Variants in GPR137B observed in about 807,000 individuals in gnomAD.
GPR137B encodes G protein-coupled receptor 137B.
A neutral mutation model predicts 42.5 loss-of-function variants in GPR137B; 42 were observed. The observed-to-expected ratio is 0.99, with a 90% CI of 0.77 to 1.28. The LOEUF (loss-of-function observed/expected upper bound fraction) is 1.28, where lower values mean the gene tolerates loss of function less well. GPR137B is among the 50% of genes most tolerant of loss of function. The pLI, the probability that GPR137B is intolerant of heterozygous loss-of-function variation, is 0.00. For synonymous variants in GPR137B, 218 were observed against 209.7 expected (o/e 1.04, Z -0.34); for missense variants, 487 against 493.9 (o/e 0.99, Z 0.13).
intron 1 of GPR137B, among the ~76,000 whole-genome samples, chr1:236,166,758 G>A (rs1211990083): frequency 6.6e-6 from 1 of 152,088 alleles, no homozygotes; most frequent in Non-Finnish European, 1.5e-5. Context: ...GCCGAGGTGG[G>A]TGGGGCACTT....
Position 236,178,654 on chromosome 1 carries a change from C to G in GPR137B, c.687+18C>G. 1 of 1,420,468 alleles carries G rather than the reference C, an allele frequency of 7.0e-7. No individual in the cohort carries two copies. Among genetic ancestry groups the G allele is most frequent in the Non-Finnish European group, 9.9e-7 (1 of 1,005,144 alleles). 88.0% of individuals were successfully genotyped at this position (1,420,468 alleles called of 1,614,324 possible). A position where few individuals can be genotyped will look rare whatever the true frequency, so the allele number is the denominator to read the frequency against. On this transcript the variant is annotated intron_variant, in intron 3 of 6. Transcript: ENST00000366592. ...AGTCCAAGGTAGGTGGAAATGTGGT[C>G]AAGATCCCTCCCATGAAACGTGTTC...
chr1:236,207,919 A>G (rs1262458985), intron 6 of GPR137B, 131 bp from the exon 7 acceptor site: 69 of 644,986 alleles, frequency 1.1e-4, no homozygotes, highest in East Asian at 5.5e-5. Flanking sequence ...ATGGACTTTA[A>G]GAGCCATTTA....
rs78571416 is a variant in GPR137B at position 236,146,245 on chromosome 1, C to G, written c.414+3209C>G. ...AGCGCAAAATCAGGTTGCAGAGAAT[C>G]AAAGTATACATACAGCACAGTTAAG... is the stretch of plus-strand genomic sequence containing the variant. On this transcript the variant is annotated intron_variant, in intron 1 of 6. Coordinates refer to ENST00000366592, the MANE Select transcript of GPR137B (RefSeq NM_003272.4). 1.1e-3 allele frequency among the ~76,000 whole-genome samples: 162 copies of G among 152,272 alleles called. No individual in the cohort carries two copies. In the East Asian group the frequency reaches 0.013, roughly 12 times the overall value.
At chr1:236,195,134 T>G (rs938654512) in intron 5 of GPR137B, among the ~76,000 whole-genome samples, 5 of 152,204 alleles carry the variant, frequency 3.3e-5, no homozygotes, top group African/African-American at 1.2e-4. Flanking sequence ...CTCTTTTAGT[T>G]ATTTTAAAAT....
intron 1 of GPR137B, among the ~76,000 whole-genome samples, chr1:236,166,496 A>ATG: frequency 7.0e-6 from 1 of 141,990 alleles, no homozygotes; most frequent in African/African-American, 2.7e-5. Context: ...ATATATACAT[A>ATG]TATATATTTA....
At chr1:236,176,808 G>C (rs1662702186) in intron 2 of GPR137B, among the ~76,000 whole-genome samples, 1 of 152,110 alleles carries the variant, frequency 6.6e-6, no homozygotes, top group Non-Finnish European at 1.5e-5. Flanking sequence ...AGTGTGGATG[G>C]AGAGAGTGGA....
At chr1:236,199,754 G>A (rs1049226469) in intron 5 of GPR137B, among the ~76,000 whole-genome samples, 3 of 151,796 alleles carry the variant, frequency 2.0e-5, no homozygotes, top group Admixed American at 6.6e-5. Context: ...TGTCTTCTTG[G>A]TTAATCTCAC....
At chr1:236,186,607 G>T (rs1663047196) in intron 5 of GPR137B, among the ~76,000 whole-genome samples, 1 of 150,846 alleles carries the variant, frequency 6.6e-6, no homozygotes, top group African/African-American at 2.4e-5. Flanking sequence ...CTGTTCTTGT[G>T]TCAGCTTGCT....
At chr1:236,207,514 T>C (rs1261610590) in intron 6 of GPR137B, among the ~76,000 whole-genome samples, 2 of 152,182 alleles carry the variant, frequency 1.3e-5, no homozygotes, top group Non-Finnish European at 2.9e-5. Context: ...ACCGATATGG[T>C]GAAGACAAGA....
rs994794905 is a variant in GPR137B, at chr1:236,164,721, A to G, written c.415-3985A>G. ...AATTATATGTGCGTTTGTTGATATT[A>G]TCTATATAATAAGTTATATAGATAA... On this transcript the variant is annotated intron_variant, in intron 1 of 6. Transcript: ENST00000366592. Among the ~76,000 whole-genome samples, 10 of 152,318 alleles carry G rather than the reference A, an allele frequency of 6.6e-5. No individual in the cohort carries two copies. The South Asian group carries it at 2.1e-3, about 32-fold the overall frequency.
chr1:236,177,778 A>T (rs1176411394), intron 2 of GPR137B, among the ~76,000 whole-genome samples: 2 of 149,604 alleles, frequency 1.3e-5, no homozygotes, highest in Non-Finnish European at 3.0e-5. Flanking sequence ...CTGGTCTTGA[A>T]CTCCTGACCT....
rs1412846491 is a variant in GPR137B at position 236,155,514 on chromosome 1, C to G, written c.414+12478C>G. Among the ~76,000 whole-genome samples the G allele has an allele frequency of 6.6e-6, 1 of 152,156 alleles. No homozygotes were observed. Among genetic ancestry groups the G allele is most frequent in the African/African-American group, 2.4e-5 (1 of 41,436 alleles). On this transcript the variant is annotated intron_variant, in intron 1 of 6. Transcript: ENST00000366592. This position sits in a 1 kb window ranked among gnomAD's most constrained non-coding sequence, Gnocchi z 4.6. ...GGCTTTAGGTTGACTTGGAGAGCCG[C>G]AAAGGGTGTGGGTGGGAGGTGTGCT...
chr1:236,160,510 G>A (rs1662156802), intron 1 of GPR137B, among the ~76,000 whole-genome samples: 1 of 151,980 alleles, frequency 6.6e-6, no homozygotes, highest in South Asian at 2.1e-4. Context: ...GCCTCTCCCT[G>A]TCTGCCCTTC....
At chr1:236,172,269 A>G (rs1662558421) in intron 2 of GPR137B, among the ~76,000 whole-genome samples, 1 of 152,200 alleles carries the variant, frequency 6.6e-6, no homozygotes, top group Non-Finnish European at 1.5e-5. Flanking sequence ...TTCAGGCCAC[A>G]ATCTCTCCCT....
chr1:236,151,418 ATTTTTTTTTTTT>A (rs60574023), intron 1 of GPR137B, among the ~76,000 whole-genome samples: 2 of 72,370 alleles, frequency 2.8e-5, no homozygotes, highest in Non-Finnish European at 4.9e-5. Flanking sequence ...TTGCATATTC[ATTTTTTTTTTTT>A]TTTTTTTTTT....
At chr1:236,167,367 C>G (rs936344341) in intron 1 of GPR137B, among the ~76,000 whole-genome samples, 1 of 152,202 alleles carries the variant, frequency 6.6e-6, no homozygotes, top group African/African-American at 2.4e-5. Context: ...AGGACTTACT[C>G]AACGTGGCTG....
intron 5 of GPR137B, among the ~76,000 whole-genome samples, chr1:236,203,228 C>A (rs1404093339): frequency 6.6e-6 from 1 of 152,102 alleles, no homozygotes. Context: ...TGGGCACCCC[C>A]CATTTCGCCC....
intron 1 of GPR137B, among the ~76,000 whole-genome samples, chr1:236,166,432 G>A (rs192319045): frequency 4.8e-4 from 67 of 138,530 alleles, no homozygotes; most frequent in South Asian, 3.4e-3. Context: ...CTATTGTGCC[G>A]TTACCAGAGA....
rs772591473 is a variant in GPR137B at position 236,179,887 on chromosome 1, C to T, written c.696C>T (p.Ser232=). Residue 232 remains serine, a synonymous_variant, in exon 4 of 7, where the codon TCC becomes TCT. Coordinates refer to ENST00000366592, the MANE Select transcript of GPR137B (RefSeq NM_003272.4). ...TGCTCCCTCTTTTCCAGGGCTCCTC[C>T]GTGTGTCAAGTGACTGCCATCGGTG... ...ANIYLESKGS[S]VCQVTAIGVT... The T allele has an allele frequency of 5.8e-5, 91 of 1,581,992 alleles. 1 individual carries two copies. The African/African-American group carries it at 8.6e-4, about 15-fold the overall frequency.
Sources: allele counts gnomAD v4.1 joint callset (sites outside exome capture counted in the v4.1 genomes callset), GRCh38; gene constraint gnomAD v4.1.1; non-coding constraint Gnocchi (gnomAD v3.1); transcripts MANE v1.5; gene names NCBI Gene and HGNC (gene_info 2026-07-23, HGNC 2026-07-21).